Variants in CEP126 observed in about 807,000 individuals in gnomAD.
CEP126 encodes the protein centrosomal protein 126, also known as centrosomal protein of 126 kDa.
A neutral mutation model predicts 107.8 loss-of-function variants in CEP126; 74 were observed. The observed-to-expected ratio is 0.69, with a 90% CI of 0.57 to 0.83. The LOEUF (loss-of-function observed/expected upper bound fraction) is 0.83, where lower values mean the gene tolerates loss of function less well. CEP126 is among the 40% of genes least tolerant of loss of function. The probability of loss-of-function intolerance (pLI) is 0.00; values close to 1 mark genes in which losing one functional copy is unlikely to be tolerated. For missense variants in CEP126, 1,237 were observed against 1,281.9 expected (o/e 0.96, Z 0.53); for synonymous variants, 449 against 446.0 (o/e 1.01, Z -0.08).
At chr11:101,930,726 G>A (rs1223069330) in intron 2 of CEP126, among the ~76,000 whole-genome samples, 1 of 152,220 alleles carries the variant, frequency 6.6e-6, no homozygotes, top group East Asian at 1.9e-4. Flanking sequence ...ATGCTGATTG[G>A]GGCATTACAA....
chr11:101,921,992 CCAGGCTGGT>C (rs2137078254), intron 1 of CEP126, among the ~76,000 whole-genome samples: 1 of 151,284 alleles, frequency 6.6e-6, no homozygotes, highest in South Asian at 2.1e-4. Flanking sequence ...ACCGTGTTGG[CCAGGCTGGT>C]CTCAAACTCC....
At chr11:101,964,164 A>G (rs1278004983) in intron 6 of CEP126, among the ~76,000 whole-genome samples, 1 of 151,690 alleles carries the variant, frequency 6.6e-6, no homozygotes, top group Non-Finnish European at 1.5e-5. Flanking sequence ...TTAGCCCGGC[A>G]TGGTGGTGCG....
chr11:101,994,065 C>T (rs995466312), intron 10 of CEP126, among the ~76,000 whole-genome samples: 40 of 152,138 alleles, frequency 2.6e-4, no homozygotes, highest in African/African-American at 8.9e-4. Context: ...GAAACCCTGT[C>T]TCTACTAAAA....
At chr11:101,922,906 T>A in intron 2 of CEP126, 146 bp downstream of exon 2, 2 of 659,174 alleles carry the variant, frequency 3.0e-6, no homozygotes, top group Admixed American at 3.1e-5. Flanking sequence ...CTTTGTAAAT[T>A]TTATTATTGT....
chr11:101,987,406 T>A (rs956802815), intron 9 of CEP126, among the ~76,000 whole-genome samples: 4 of 152,152 alleles, frequency 2.6e-5, no homozygotes, highest in African/African-American at 9.7e-5. Context: ...AAGACATTCT[T>A]AAGACCAATA....
chr11:101,935,363 A>G (rs560654155), intron 2 of CEP126, among the ~76,000 whole-genome samples: 1 of 152,152 alleles, frequency 6.6e-6, no homozygotes, highest in Non-Finnish European at 1.5e-5. Flanking sequence ...GTGATGACGT[A>G]CAATTATCAA....
At chr11:101,964,368 C>A (rs182560170) in intron 6 of CEP126, among the ~76,000 whole-genome samples, 2,066 of 140,664 alleles carry the variant, frequency 0.015, 50 homozygotes, top group African/African-American at 0.052. Context: ...CACGGTGGCT[C>A]ATGGCTGTAA....
intron 4 of CEP126, among the ~76,000 whole-genome samples, chr11:101,954,810 T>C (rs920062920): frequency 2.4e-4 from 37 of 152,246 alleles, no homozygotes; most frequent in African/African-American, 8.7e-4. Context: ...TGAAATTCTA[T>C]ATAAATATGA....
chr11:101,927,077 G>A (rs748474235), intron 2 of CEP126, among the ~76,000 whole-genome samples: 3 of 152,196 alleles, frequency 2.0e-5, no homozygotes, highest in Non-Finnish European at 4.4e-5. Context: ...CAAGGTGGGT[G>A]CGTTACTTGA....
At chr11:101,977,664 A>G (rs961860899) in intron 6 of CEP126, among the ~76,000 whole-genome samples, 2 of 151,396 alleles carry the variant, frequency 1.3e-5, no homozygotes, top group Non-Finnish European at 2.9e-5. Context: ...AAGAAAAATA[A>G]TATAATAAAC....
Position 101,997,743 on chromosome 11 carries a change from A to T in CEP126, c.*100A>T, listed in dbSNP as rs1190224336. On this transcript the variant is annotated 3_prime_UTR_variant, in exon 11 of 11. Coordinates refer to ENST00000263468, the MANE Select transcript of CEP126 (RefSeq NM_020802.4). The stretch of plus-strand genomic sequence containing the variant: ...AGCCATAGGAAAACATGTGAGCAAC[A>T]ACCCCCATGAACATTTGTCCTAACT... The T allele has an allele frequency of 3.3e-6, 5 of 1,516,938 alleles. No individual in the cohort carries two copies. Among genetic ancestry groups the T allele is most frequent in the Non-Finnish European group, 4.5e-6 (5 of 1,107,132 alleles). The allele number at this position is 1,516,938 out of a possible 1,614,324, so 94.0% of individuals were successfully genotyped here. A position where few individuals can be genotyped will look rare whatever the true frequency, so the allele number is the denominator to read the frequency against.
At chr11:101,981,231 C>T (rs1334622252) in intron 7 of CEP126, among the ~76,000 whole-genome samples, 2 of 152,200 alleles carry the variant, frequency 1.3e-5, no homozygotes, top group Non-Finnish European at 2.9e-5. Context: ...ATGATTCACC[C>T]TTACAATGAC....
intron 4 of CEP126, 28 bp downstream of exon 4, chr11:101,948,170 A>T: frequency 7.5e-7 from 1 of 1,337,324 alleles, no homozygotes; most frequent in Non-Finnish European, 1.1e-6. Context: ...ATTGTATACA[A>T]TTATTACAAT....
At position 101,963,339 on chromosome 11, in the gene CEP126, C is replaced by T. The variant is rs749312862; in HGVS notation, c.2304C>T (p.Gly768=). The change falls in exon 6 of 11, where the codon GGC becomes GGT. Residue 768 remains glycine (G), a synonymous_variant. Transcript: ENST00000263468. ...RKPGSAKVQS[G]FICTNRKGAV... is the part of the protein sequence containing the mutation. ...CAGGATCTGCAAAAGTCCAATCAGGCTTTATATGTACAAACAGAAAAGGCG... is the reference window on the plus strand; with the variant it reads ...CAGGATCTGCAAAAGTCCAATCAGGTTTTATATGTACAAACAGAAAAGGCG... 6.2e-7 allele frequency: 1 copy of T among 1,614,028 alleles called. No homozygotes were observed. Among genetic ancestry groups the T allele is most frequent in the Non-Finnish European group, 8.5e-7 (1 of 1,179,994 alleles).
Position 101,938,169 on chromosome 11 carries a change from A to AAAAAAAAAAAAAAAAAAAAAC in CEP126, c.249-6089_249-6088insAAAAAAAAAAAAACAAAAAAA, listed in dbSNP as rs1565353082. ...AGCGAGACTCTGTCTCAAAAAAAAAAAAAAAAATACAAGAAATTGGTCCAT... is the reference window on the plus strand; with the variant it reads ...AGCGAGACTCTGTCTCAAAAAAAAAAAAAAAAAAAAAAAAAAAAAACAAAAAAATACAAGAAATTGGTCCAT... On this transcript the variant is annotated intron_variant, in intron 2 of 10. Coordinates refer to ENST00000263468, the MANE Select transcript of CEP126 (RefSeq NM_020802.4). 3.9e-4 allele frequency among the ~76,000 whole-genome samples: 56 copies of AAAAAAAAAAAAAAAAAAAAAC among 143,822 alleles called. 1 individual carries two copies. Among genetic ancestry groups the AAAAAAAAAAAAAAAAAAAAAC allele is most frequent in the African/African-American group, 1.4e-3 (56 of 38,716 alleles). The allele number at this position is 143,822 out of a possible 152,430, so 94.4% of individuals were successfully genotyped here. A position where few individuals can be genotyped will look rare whatever the true frequency, so the allele number is the denominator to read the frequency against.
At chr11:101,980,176 G>A (rs1235668812) in intron 7 of CEP126, among the ~76,000 whole-genome samples, 1 of 152,046 alleles carries the variant, frequency 6.6e-6, no homozygotes, top group African/African-American at 2.4e-5. Flanking sequence ...TTGCTTAATA[G>A]CGTAATGGTT....
chr11:101,959,274 A>C (rs10895230), intron 5 of CEP126, among the ~76,000 whole-genome samples: 7 of 150,606 alleles, frequency 4.6e-5, no homozygotes, highest in Non-Finnish European at 8.9e-5. Context: ...CTCCTGCCTC[A>C]CCTCCCGAGT....
intron 6 of CEP126, among the ~76,000 whole-genome samples, chr11:101,970,153 A>G (rs1009437852): frequency 2.0e-5 from 3 of 152,212 alleles, no homozygotes; most frequent in Non-Finnish European, 4.4e-5. Context: ...AATATTTGCA[A>G]TGCATATTAC....
chr11:101,962,734 C>A lies in CEP126; in HGVS notation c.1699C>A (p.His567Asn). 1 of 1,612,438 alleles carries A rather than the reference C, an allele frequency of 6.2e-7. No individual in the cohort carries two copies. The highest frequency in any genetic ancestry group is 1.1e-5 in the South Asian group (1 of 90,438). Residue 567 changes from histidine (H) to asparagine (N), a missense_variant, in exon 6 of 11, where the codon CAT (histidine) becomes AAT (asparagine). Transcript: ENST00000263468. ...GCATAAGAAAATGAAATACAACATC[C>A]ATGAGAGAAATGGTGTGAGATTTCT... ...GQHKKMKYNI[H>N]ERNGVRFLKS... is the part of the protein sequence containing the mutation.
Sources: allele counts gnomAD v4.1 joint callset (sites outside exome capture counted in the v4.1 genomes callset), GRCh38; gene constraint gnomAD v4.1.1; transcripts MANE v1.5; gene names NCBI Gene and HGNC (gene_info 2026-07-23, HGNC 2026-07-21).